Variants in MRPL1 observed in about 807,000 individuals in gnomAD.
MRPL1 encodes the protein mitochondrial ribosomal protein L1.
Under a neutral mutation model 38.0 loss-of-function variants are expected in MRPL1, and 28 were observed. The observed-to-expected ratio is 0.74, with a 90% CI of 0.55 to 1.01. The LOEUF is 1.01. Ranked by LOEUF, MRPL1 falls within the 50% of genes least tolerant of loss-of-function variation. The probability of loss-of-function intolerance (pLI) is 0.00; values close to 1 mark genes in which losing one functional copy is unlikely to be tolerated. For missense variants in MRPL1, 358 were observed against 389.8 expected, an observed-to-expected ratio of 0.92 and a Z score of 0.69; for synonymous variants, 123 against 126.7, an observed-to-expected ratio of 0.97 and a Z score of 0.20.
At position 77,909,259 on chromosome 4, in the gene MRPL1, T is replaced by A. The variant is rs1560467606; in HGVS notation, c.671-7T>A. On this transcript the variant is annotated splice_polypyrimidine_tract_variant and splice_region_variant and intron_variant, in intron 6 of 8. Coordinates refer to ENST00000315567, the MANE Select transcript of MRPL1 (RefSeq NM_020236.4). ...TGATAATTGTGGATTTTACTTTTTC[T>A]AACTAGATTCCATTGGCCGTGACAT... The A allele has an allele frequency of 1.9e-6, 3 of 1,572,730 alleles. No individual in the cohort carries two copies. Among genetic ancestry groups the A allele is most frequent in the Admixed American group, 1.7e-5 (1 of 58,590 alleles).
intron 1 of MRPL1, among the ~76,000 whole-genome samples, chr4:77,866,723 C>T (rs1336116760): frequency 2.0e-5 from 3 of 151,314 alleles, no homozygotes; most frequent in Non-Finnish European, 4.4e-5. Context: ...CATATCTTTT[C>T]AACTCTTTGC....
chr4:77,875,854 C>T (rs184469736), intron 2 of MRPL1, among the ~76,000 whole-genome samples: 158 of 152,260 alleles, frequency 1.0e-3, no homozygotes, highest in African/African-American at 3.7e-3. Flanking sequence ...TGTTAAGTTG[C>T]TGGAGTACCG....
At chr4:77,898,264 T>TTG (rs147735700) in intron 6 of MRPL1, among the ~76,000 whole-genome samples, 62 of 151,640 alleles carry the variant, frequency 4.1e-4, no homozygotes, top group Admixed American at 3.0e-3. Flanking sequence ...CATCTTTTTT[T>TTG]TGTGTGTGTG....
At chr4:77,927,597 A>G (rs1455958874) in intron 7 of MRPL1, among the ~76,000 whole-genome samples, 1 of 152,014 alleles carries the variant, frequency 6.6e-6, no homozygotes, top group African/African-American at 2.4e-5. Context: ...TTTAAAAACT[A>G]TTACTATAGT....
chr4:77,901,515 T>C (rs1393004777), intron 6 of MRPL1, among the ~76,000 whole-genome samples: 5 of 150,548 alleles, frequency 3.3e-5, no homozygotes, highest in Non-Finnish European at 7.4e-5. Flanking sequence ...AGACACGTTA[T>C]AGTCAAACAC....
chr4:77,868,645 C>T (rs114278655), intron 1 of MRPL1, among the ~76,000 whole-genome samples: 2,507 of 152,312 alleles, frequency 0.016, 38 homozygotes, highest in South Asian at 0.055. Flanking sequence ...AGGGGAGACT[C>T]TTCTGAAGAA....
At chr4:77,934,306 A>G (rs1305702638) in intron 7 of MRPL1, among the ~76,000 whole-genome samples, 1 of 152,250 alleles carries the variant, frequency 6.6e-6, no homozygotes, top group Non-Finnish European at 1.5e-5. Flanking sequence ...TATATATGAT[A>G]TGAGACTTGA....
intron 7 of MRPL1, among the ~76,000 whole-genome samples, chr4:77,922,280 C>T (rs944522903): frequency 6.6e-5 from 10 of 152,024 alleles, no homozygotes; most frequent in African/African-American, 2.4e-4. Flanking sequence ...CGAAGGAAGG[C>T]GTTACATGCA....
intron 7 of MRPL1, among the ~76,000 whole-genome samples, chr4:77,931,284 G>T (rs756941817): frequency 6.6e-5 from 10 of 152,202 alleles, no homozygotes; most frequent in Non-Finnish European, 1.3e-4. Flanking sequence ...ATTCTTAGTG[G>T]CTAACCACAT....
At chr4:77,941,071 C>T (rs1275992678) in intron 7 of MRPL1, among the ~76,000 whole-genome samples, 1 of 151,998 alleles carries the variant, frequency 6.6e-6, no homozygotes, top group Non-Finnish European at 1.5e-5. Flanking sequence ...TTCAAGACCA[C>T]CCTGGCCACC....
intron 7 of MRPL1, among the ~76,000 whole-genome samples, chr4:77,944,465 TC>T (rs1737207738): frequency 6.6e-6 from 1 of 152,174 alleles, no homozygotes; most frequent in Admixed American, 6.5e-5. Flanking sequence ...AGTAAAGCCT[TC>T]CGTGTCAATT....
At chr4:77,875,286 A>C (rs114714759) in intron 2 of MRPL1, among the ~76,000 whole-genome samples, 1 of 152,184 alleles carries the variant, frequency 6.6e-6, no homozygotes, top group Non-Finnish European at 1.5e-5. Flanking sequence ...ATCAAGTGCT[A>C]TGCGATCACA....
Position 77,945,169 on chromosome 4 carries a change from T to TTATTATTAC in MRPL1, c.778-4626_778-4625insTTATTACTA, listed in dbSNP as rs1442387010. ...ATTATTATTATTATTATTATTATTA[T>TTATTATTAC]TACTACTACTACTACTTTATGTTAT... is the stretch of plus-strand genomic sequence containing the variant. On this transcript the variant is annotated intron_variant, in intron 7 of 8. Coordinates refer to ENST00000315567, the MANE Select transcript of MRPL1 (RefSeq NM_020236.4). Among the ~76,000 whole-genome samples the TTATTATTAC allele has an allele frequency of 7.2e-5, 7 of 97,170 alleles. No individual in the cohort carries two copies. The East Asian group carries it at 9.5e-4, about 13-fold the overall frequency. 63.7% of individuals were successfully genotyped at this position (97,170 alleles called of 152,430 possible). A position where few individuals can be genotyped will look rare whatever the true frequency, so the allele number is the denominator to read the frequency against.
At chr4:77,940,025 G>A (rs1313124155) in intron 7 of MRPL1, among the ~76,000 whole-genome samples, 4 of 151,982 alleles carry the variant, frequency 2.6e-5, no homozygotes, top group African/African-American at 9.7e-5. Context: ...TGGCTATGTG[G>A]GCTCATTCTG....
rs147296066 is a variant in MRPL1 at position 77,902,879 on chromosome 4, A to G, written c.671-6387A>G. ...TAGTCATGTATAAGTTCTCCCATGAAAAGTCCAGGCCCACCTGATTCCCAC... is the reference window on the plus strand; with the variant it reads ...TAGTCATGTATAAGTTCTCCCATGAGAAGTCCAGGCCCACCTGATTCCCAC... On this transcript the variant is annotated intron_variant, in intron 6 of 8. Transcript: ENST00000315567. Among the ~76,000 whole-genome samples, 17 of 152,322 alleles carry G rather than the reference A, an allele frequency of 1.1e-4. No homozygotes were observed. In the East Asian group the frequency reaches 3.3e-3, roughly 29 times the overall value.
intron 2 of MRPL1, among the ~76,000 whole-genome samples, chr4:77,878,192 C>T (rs1184525759): frequency 1.3e-5 from 2 of 152,120 alleles, no homozygotes; most frequent in Non-Finnish European, 2.9e-5. Context: ...AGTCTCGCTC[C>T]GTCATGGGTT....
At chr4:77,892,867 G>T (rs1327676998) in intron 5 of MRPL1, among the ~76,000 whole-genome samples, 1 of 152,208 alleles carries the variant, frequency 6.6e-6, no homozygotes, top group South Asian at 2.1e-4. Flanking sequence ...GTCAATACTG[G>T]TACCTGTCTC....
intron 6 of MRPL1, among the ~76,000 whole-genome samples, chr4:77,898,988 GATT>G (rs138734296): frequency 0.12 from 17,176 of 139,550 alleles, 1,092 homozygotes; most frequent in Middle Eastern, 0.2. Context: ...CTTATGCACA[GATT>G]TTTTTTTTTT....
At chr4:77,913,781 A>G (rs1736351299) in intron 7 of MRPL1, among the ~76,000 whole-genome samples, 1 of 152,236 alleles carries the variant, frequency 6.6e-6, no homozygotes, top group Admixed American at 6.5e-5. Context: ...CTTCAGTAAT[A>G]AAAAGAAATA....
Sources: gnomAD v4.1 joint callset for allele counts (sites outside exome capture counted in the v4.1 genomes callset) on GRCh38, gnomAD v4.1.1 for gene constraint, MANE v1.5 for transcripts, NCBI Gene and HGNC (gene_info 2026-07-23, HGNC 2026-07-21) for gene names.